The following IGF2R variants were observed in gnomAD, a reference collection of about 807,000 sequenced individuals.
The protein encoded by IGF2R is insulin like growth factor 2 receptor.
A neutral mutation model predicts 270.6 loss-of-function variants in IGF2R; 91 were observed. The ratio of observed to expected loss-of-function variants is 0.34; its 90% CI spans 0.28 to 0.40. The LOEUF is 0.40. Among genes scored for constraint, IGF2R ranks in the 10% least tolerant of loss-of-function variants. The probability of loss-of-function intolerance (pLI) is 1.00; values close to 1 mark genes in which losing one functional copy is unlikely to be tolerated. For missense variants in IGF2R, 2,805 were observed against 3,188.3 expected (o/e 0.88, Z 2.90); for synonymous variants, 1,316 against 1,258.9 (o/e 1.05, Z -0.96).
At chr6:160,010,620 C>A in intron 3 of IGF2R, 67 bp from the exon 4 acceptor site, 2 of 1,021,914 alleles carry the variant, frequency 2.0e-6, no homozygotes, top group South Asian at 1.4e-5. Flanking sequence ...ACTGCATTCT[C>A]ATTTTAAAGA....
At chr6:160,005,010 T>C (rs1784193261) in intron 2 of IGF2R, 1 of 152,232 alleles carries the variant, frequency 6.6e-6, no homozygotes, top group Admixed American at 6.5e-5. Flanking sequence ...CAGGGCTCTA[T>C]CTGATTGGAT....
intron 1 of IGF2R, among the ~76,000 whole-genome samples, chr6:159,970,807 G>T (rs111482193): frequency 6.6e-6 from 1 of 152,224 alleles, no homozygotes; most frequent in Non-Finnish European, 1.5e-5. Context: ...GCCTGGGCGC[G>T]GTGGCTCATG....
At chr6:160,054,236 A>G (rs1778259475) in intron 19 of IGF2R, among the ~76,000 whole-genome samples, 1 of 152,244 alleles carries the variant, frequency 6.6e-6, no homozygotes. Context: ...AGGAGCAGCT[A>G]TGCATATTCA....
intron 45 of IGF2R, among the ~76,000 whole-genome samples, chr6:160,098,771 A>T (rs933232878): frequency 6.6e-6 from 1 of 152,206 alleles, no homozygotes; most frequent in African/African-American, 2.4e-5. Context: ...GTGAGCCGAG[A>T]TGGCGTCACT....
intron 29 of IGF2R, among the ~76,000 whole-genome samples, chr6:160,065,989 C>A (rs1159828007): frequency 6.8e-6 from 1 of 147,008 alleles, no homozygotes; most frequent in Non-Finnish European, 1.5e-5. Context: ...CAGACACCAC[C>A]ATGCCTGGCT....
At chr6:160,072,096 C>T (rs1778754370) in intron 32 of IGF2R, 60 bp downstream of exon 32, 2 of 1,605,994 alleles carry the variant, frequency 1.2e-6, no homozygotes, top group Admixed American at 3.3e-5. Flanking sequence ...CCCCACCAAA[C>T]CCAGCTCATC....
Position 160,084,311 on chromosome 6 carries a change from G to C in IGF2R, c.6068+127G>C. ...CTATGCCCATGTGAGGCTGATGGTG[G>C]TTGAGTTGTGACTGTTCCTGGAAGC... On this transcript the variant is annotated intron_variant, in intron 40 of 47. Transcript: ENST00000356956. The surrounding 1 kb of genome is among the most constrained non-coding windows in gnomAD (Gnocchi z 4.6). 1.6e-6 allele frequency: 1 copy of C among 641,904 alleles called. No individual in the cohort carries two copies. Among genetic ancestry groups the C allele is most frequent in the East Asian group, 2.7e-5 (1 of 36,686 alleles). The allele number at this position is 641,904 out of a possible 1,614,324, so 39.8% of individuals were successfully genotyped here.
At position 160,096,476 on chromosome 6, in the gene IGF2R, G is replaced by C; in HGVS notation, c.6693G>C (p.Lys2231Asn). 2 of 1,613,860 alleles carry C rather than the reference G, an allele frequency of 1.2e-6. No homozygotes were observed. Among genetic ancestry groups the C allele is most frequent in the Non-Finnish European group, 1.7e-6 (2 of 1,179,854 alleles). The change falls in exon 45 of 48, where the codon AAG (lysine) becomes AAC (asparagine). Residue 2231 changes from lysine (K) to asparagine (N), a missense_variant. Coordinates refer to ENST00000356956, the MANE Select transcript of IGF2R (RefSeq NM_000876.4). Reference protein sequence around the residue: ...DLDVVFASSSKCGKDKTKSVS... With the variant: ...DLDVVFASSSNCGKDKTKSVS... ...ATGTCGTGTTTGCCTCTTCCTCTAA[G>C]TGCGGAAAGGATAAGACCAAGTCTG...
chr6:159,975,652 G>A (rs1221349939), intron 1 of IGF2R, among the ~76,000 whole-genome samples: 8 of 138,522 alleles, frequency 5.8e-5, no homozygotes, highest in Non-Finnish European at 4.6e-5. Context: ...AACCAGATGG[G>A]AAAAAAAAAC....
Position 160,032,330 on chromosome 6 carries a change from GA to G in IGF2R, c.883-213del, listed in dbSNP as rs199883394. Among the ~76,000 whole-genome samples, 298 of 151,592 alleles carry G rather than the reference GA, an allele frequency of 2.0e-3. 13 individuals are homozygous for G. In the East Asian group the frequency reaches 0.045, roughly 23 times the overall value. On this transcript the variant is annotated intron_variant, in intron 7 of 47. Coordinates refer to ENST00000356956, the MANE Select transcript of IGF2R (RefSeq NM_000876.4). ...AAATGGAGGTGTTACGAGTCAAATG[GA>G]AAAAAAATAACAGTTTAGAAAAAAA...
At chr6:159,993,120 G>A (rs1398833398) in intron 2 of IGF2R, among the ~76,000 whole-genome samples, 1 of 152,074 alleles carries the variant, frequency 6.6e-6, no homozygotes, top group Non-Finnish European at 1.5e-5. Context: ...TTTTTGAATT[G>A]TTTGAGTTCC....
At chr6:160,069,378 C>G (rs1028315294) in intron 30 of IGF2R, among the ~76,000 whole-genome samples, 4 of 152,142 alleles carry the variant, frequency 2.6e-5, no homozygotes, top group Non-Finnish European at 5.9e-5. Flanking sequence ...TTCCACTTCC[C>G]CTTGCTGCGT....
At chr6:160,059,142 G>A (rs2115259988) in intron 22 of IGF2R, 44 bp downstream of exon 22, 1 of 1,530,834 alleles carries the variant, frequency 6.5e-7, no homozygotes, top group South Asian at 1.1e-5. Flanking sequence ...AAGGGCCCTG[G>A]TGGCTCTGTG....
intron 3 of IGF2R, among the ~76,000 whole-genome samples, chr6:160,010,006 G>A (rs1784308723): frequency 6.6e-6 from 1 of 152,178 alleles, no homozygotes; most frequent in Non-Finnish European, 1.5e-5. Flanking sequence ...TCTGTTCGCA[G>A]CAGCATTAAA....
intron 2 of IGF2R, among the ~76,000 whole-genome samples, chr6:159,997,567 G>A (rs1373315741): frequency 6.6e-6 from 1 of 152,218 alleles, no homozygotes; most frequent in Non-Finnish European, 1.5e-5. Context: ...CCACAGAGGT[G>A]AGGGGCAGCA....
At chr6:160,098,937 C>T (rs943129027) in intron 45 of IGF2R, among the ~76,000 whole-genome samples, 8 of 152,202 alleles carry the variant, frequency 5.3e-5, no homozygotes, top group African/African-American at 1.9e-4. Flanking sequence ...AAATTAACAT[C>T]CTATATCTCA....
chr6:160,108,201 G>GA lies in IGF2R; in HGVS notation c.*3117_*3118insA, dbSNP rs1779664277. On this transcript the variant is annotated 3_prime_UTR_variant, in exon 48 of 48. Coordinates refer to ENST00000356956, the MANE Select transcript of IGF2R (RefSeq NM_000876.4). ...GGTTCCACTCTGTTGACTAGTAGTTGGCCTCTTGAGCCATACTTGCTGTCA... is the reference window on the plus strand; with the variant it reads ...GGTTCCACTCTGTTGACTAGTAGTTGAGCCTCTTGAGCCATACTTGCTGTCA... 1 of 152,302 alleles carries GA rather than the reference G, an allele frequency of 6.6e-6. No homozygotes were observed. Among genetic ancestry groups the GA allele is most frequent in the South Asian group, 2.1e-4 (1 of 4,830 alleles). 9.4% of individuals were successfully genotyped at this position (152,302 alleles called of 1,614,324 possible).
Position 159,969,181 on chromosome 6 carries a change from G to A in IGF2R, c.-66G>A, listed in dbSNP as rs1186577890. 5 of 943,856 alleles carry A rather than the reference G, an allele frequency of 5.3e-6. No homozygotes were observed. Among genetic ancestry groups the A allele is most frequent in the Admixed American group, 6.3e-5 (1 of 15,990 alleles). 58.5% of individuals were successfully genotyped at this position (943,856 alleles called of 1,614,324 possible). Reference sequence around the variant, plus strand: ...TGCCCTGGCGGCGCGACCCCGTCCCGGGCGCGGCCCCCAGCAGTCGCGCGC... The same window carrying A: ...TGCCCTGGCGGCGCGACCCCGTCCCAGGCGCGGCCCCCAGCAGTCGCGCGC... On this transcript the variant is annotated 5_prime_UTR_variant, in exon 1 of 48. Coordinates refer to ENST00000356956, the MANE Select transcript of IGF2R (RefSeq NM_000876.4).
chr6:160,056,385 G>A, intron 19 of IGF2R, 39 bp from the exon 20 acceptor site: 1 of 1,340,908 alleles, frequency 7.5e-7, no homozygotes, highest in Non-Finnish European at 1.1e-6. Flanking sequence ...CAAGTTCCAT[G>A]TTACTGTATT....
Sources: gnomAD v4.1 joint callset for allele counts (sites outside exome capture counted in the v4.1 genomes callset) on GRCh38, gnomAD v4.1.1 for gene constraint, Gnocchi (gnomAD v3.1) non-coding constraint, MANE v1.5 for transcripts, NCBI Gene and HGNC (gene_info 2026-07-23, HGNC 2026-07-21) for gene names.